The following RAD21 variants were observed in gnomAD, a reference collection of about 807,000 sequenced individuals.
RAD21 encodes RAD21 cohesin complex component.
A neutral mutation model predicts 71.5 loss-of-function variants in RAD21; 18 were observed. The ratio of observed to expected loss-of-function variants is 0.25; its 90% CI spans 0.17 to 0.37. The LOEUF (loss-of-function observed/expected upper bound fraction) is 0.37, where lower values mean the gene tolerates loss of function less well. RAD21 is among the 10% of genes least tolerant of loss of function. The pLI, the probability that RAD21 is intolerant of heterozygous loss-of-function variation, is 1.00. For missense variants in RAD21, 493 were observed against 769.1 expected (o/e 0.64, Z 4.25); for synonymous variants, 248 against 254.0 (o/e 0.98, Z 0.22).
chr8:116,863,970 T>C (rs774663737), intron 2 of RAD21, among the ~76,000 whole-genome samples: 8 of 152,100 alleles, frequency 5.3e-5, no homozygotes, highest in Non-Finnish European at 8.8e-5. Context: ...TTAACTAAGT[T>C]TCCATTAATT....
At chr8:116,850,546 G>C in intron 12 of RAD21, 72 bp downstream of exon 12, 1 of 1,565,790 alleles carries the variant, frequency 6.4e-7, no homozygotes, top group Non-Finnish European at 8.7e-7. Context: ...AATTAAGTTA[G>C]CCCCAATATG....
At chr8:116,868,122 A>C (rs1351859009) in intron 1 of RAD21, among the ~76,000 whole-genome samples, 1 of 152,202 alleles carries the variant, frequency 6.6e-6, no homozygotes, top group East Asian at 1.9e-4. Flanking sequence ...AGCTCACTGC[A>C]GCCTTGAACT....
intron 4 of RAD21, among the ~76,000 whole-genome samples, chr8:116,860,717 A>G (rs1336538387): frequency 6.6e-6 from 1 of 152,178 alleles, no homozygotes; most frequent in East Asian, 1.9e-4. Context: ...AATTTGTGTA[A>G]CTTGCTTTAC....
Position 116,857,482 on chromosome 8 carries a change from A to G in RAD21, c.482-9T>C, listed in dbSNP as rs1480231627. 2 of 1,608,084 alleles carry G rather than the reference A, an allele frequency of 1.2e-6. No individual in the cohort carries two copies. The highest frequency in any genetic ancestry group is 3.4e-5 in the Admixed American group (2 of 59,674). ...ATCCATTCCAAAATCACCTAAACAA[A>G]TTTTAATTTGTCATTAGTTTAGAAA... is the stretch of plus-strand genomic sequence containing the variant. On this transcript the variant is annotated splice_polypyrimidine_tract_variant and intron_variant, in intron 5 of 13. Coordinates refer to ENST00000297338, the MANE Select transcript of RAD21 (RefSeq NM_006265.3).
chr8:116,863,751 C>T (rs925700569), intron 2 of RAD21, among the ~76,000 whole-genome samples: 5 of 152,016 alleles, frequency 3.3e-5, no homozygotes, highest in African/African-American at 9.7e-5. Flanking sequence ...TCCCTCTTTC[C>T]TGCTTTGTGA....
chr8:116,853,809 A>G (rs910761819), intron 9 of RAD21, among the ~76,000 whole-genome samples: 1 of 152,152 alleles, frequency 6.6e-6, no homozygotes, highest in Non-Finnish European at 1.5e-5. Flanking sequence ...TGTGAGCAGA[A>G]AAGAGCCTAT....
chr8:116,847,576 T>C lies in RAD21; in HGVS notation c.1820A>G (p.Gln607Arg). 2 of 1,614,132 alleles carry C rather than the reference T, an allele frequency of 1.2e-6. No homozygotes were observed. Among genetic ancestry groups the C allele is most frequent in the Non-Finnish European group, 1.7e-6 (2 of 1,179,978 alleles). ...FYSFLVLKKQ[Q>R]AIELTQEEPY... ...TTCTTCCTGTGTCAGCTCAATAGCT[T>C]GCTGCTTTTTAAGAACCAAGAAGCT... Residue 607 changes from glutamine (Q) to arginine (R), a missense_variant, in exon 14 of 14, where the codon CAA (glutamine) becomes CGA (arginine). This residue lies in a region of RAD21 where 34 missense variants were observed against 59.9 expected (regional missense o/e 0.57). Transcript: ENST00000297338.
chr8:116,854,558 C>G lies in RAD21; in HGVS notation c.938-90G>C. ...GATCTGGACTGACTATATTCCCCTG[C>G]TTTTCTACACACAGACTCTAGCAGA... On this transcript the variant is annotated intron_variant, in intron 8 of 13. Coordinates refer to ENST00000297338, the MANE Select transcript of RAD21 (RefSeq NM_006265.3). 7.5e-6 allele frequency: 7 copies of G among 935,778 alleles called. No homozygotes were observed. The Admixed American group carries it at 8.3e-5, about 11-fold the overall frequency. The allele number at this position is 935,778 out of a possible 1,614,324, so 58.0% of individuals were successfully genotyped here.
At chr8:116,863,047 T>C in intron 3 of RAD21, 83 bp downstream of exon 3, 5 of 1,458,848 alleles carry the variant, frequency 3.4e-6, no homozygotes, top group South Asian at 1.4e-5. Flanking sequence ...ATTTAGAAAA[T>C]GTGTTTAGCT....
intron 1 of RAD21, among the ~76,000 whole-genome samples, chr8:116,867,896 ATT>A (rs1812730160): frequency 6.6e-6 from 1 of 152,182 alleles, no homozygotes. Context: ...CTTTTATACC[ATT>A]TTGTCACATA....
At chr8:116,859,548 C>A (rs995771154) in intron 4 of RAD21, among the ~76,000 whole-genome samples, 7 of 152,004 alleles carry the variant, frequency 4.6e-5, no homozygotes, top group African/African-American at 1.7e-4. Flanking sequence ...GCCCAGTGAT[C>A]TTTGATGCTA....
At chr8:116,854,848 T>C (rs1812429517) in intron 8 of RAD21, among the ~76,000 whole-genome samples, 1 of 152,124 alleles carries the variant, frequency 6.6e-6, no homozygotes, top group South Asian at 2.1e-4. Flanking sequence ...AACTCACAGA[T>C]TGAGTTTTCT....
In RAD21 at chr8:116,850,649, T is replaced by C. The variant is rs1812330497; in HGVS notation, c.1589A>G (p.Glu530Gly). 6.2e-7 allele frequency: 1 copy of C among 1,609,770 alleles called. No homozygotes were observed. Among genetic ancestry groups the C allele is most frequent in the African/African-American group, 1.3e-5 (1 of 74,906 alleles). The change falls in exon 12 of 14, where the codon GAG (glutamate) becomes GGG (glycine). Residue 530 changes from glutamate (E) to glycine (G), a missense_variant. Around this residue, in one of 5 missense-constraint regions of RAD21, gnomAD observed 225 missense variants for 218.3 expected, o/e 1.03. Transcript: ENST00000297338. ...CTCTTCATCATCTTCTTTTTCCTTC[T>C]CTTTCTCCTTCTCTTTTTCTGGCAG... Reference protein sequence around the residue: ...ELLPEKEKEKEKEKEDDEEEE... With the variant: ...ELLPEKEKEKGKEKEDDEEEE...
Position 116,866,742 on chromosome 8 carries a change from C to T in RAD21, c.-13G>A, listed in dbSNP as rs778988980. On this transcript the variant is annotated 5_prime_UTR_variant, in exon 2 of 14. Coordinates refer to ENST00000297338, the MANE Select transcript of RAD21 (RefSeq NM_006265.3). ...GTGCGTAGAACATTGTTCTGGCTGGCTATGAAAACAGAAGAAAACCTAAGA... is the reference window on the plus strand; with the variant it reads ...GTGCGTAGAACATTGTTCTGGCTGGTTATGAAAACAGAAGAAAACCTAAGA... 5 of 1,581,586 alleles carry T rather than the reference C, an allele frequency of 3.2e-6. No individual in the cohort carries two copies. The East Asian group carries it at 1.1e-4, about 36-fold the overall frequency.
At chr8:116,874,161 G>C (rs563599381) in intron 1 of RAD21, 2 of 148,376 alleles carry the variant, frequency 1.3e-5, no homozygotes, top group African/African-American at 4.9e-5. Flanking sequence ...CTGGCACCGC[G>C]GGCGCCGGGC....
intron 4 of RAD21, among the ~76,000 whole-genome samples, chr8:116,860,906 T>A (rs1035112180): frequency 2.0e-5 from 3 of 152,060 alleles, no homozygotes; most frequent in Non-Finnish European, 2.9e-5. Flanking sequence ...AATAATCTGG[T>A]GGGGGTTGTG....
At chr8:116,859,540 C>T (rs1039960571) in intron 4 of RAD21, among the ~76,000 whole-genome samples, 2 of 151,938 alleles carry the variant, frequency 1.3e-5, no homozygotes, top group Non-Finnish European at 2.9e-5. Flanking sequence ...TATACCTGGC[C>T]CAGTGATCTT....
Position 116,852,664 on chromosome 8 carries a change from T to C in RAD21, c.1206A>G (p.Arg402=). ...CTGCCTCTCCTCCTTTCCTCCTTTT[T>C]CTAAGGTCTTCTGGTACAAGCGGTG... is the stretch of plus-strand genomic sequence containing the variant. The part of the protein sequence containing the change: ...CLTPLVPEDL[R]KRRKGGEADN... The change falls in exon 10 of 14, where the codon AGA becomes AGG. Residue 402 remains arginine (R), a synonymous_variant. Coordinates refer to ENST00000297338, the MANE Select transcript of RAD21 (RefSeq NM_006265.3). 1 of 1,613,154 alleles carries C rather than the reference T, an allele frequency of 6.2e-7. No homozygotes were observed. The highest frequency in any genetic ancestry group is 1.1e-5 in the South Asian group (1 of 91,016).
chr8:116,865,436 T>TAA (rs111596588), intron 2 of RAD21, among the ~76,000 whole-genome samples: 2 of 151,712 alleles, frequency 1.3e-5, no homozygotes, highest in African/African-American at 2.4e-5. Context: ...AGCATACCTA[T>TAA]AAAAAAAATT....
Sources: gnomAD v4.1 joint callset for allele counts (sites outside exome capture counted in the v4.1 genomes callset) on GRCh38, gnomAD v4.1.1 for gene constraint, gnomAD v4.1.1 regional missense constraint, MANE v1.5 for transcripts, NCBI Gene and HGNC (gene_info 2026-07-23, HGNC 2026-07-21) for gene names.